MTUS2: variants seen among roughly 807,000 people sequenced by gnomAD.
MTUS2 encodes microtubule-associated tumor suppressor candidate 2.
A neutral mutation model predicts 114.1 loss-of-function variants in MTUS2; 40 were observed. The observed-to-expected ratio is 0.35, with a 90% CI of 0.27 to 0.46. MTUS2 has a LOEUF of 0.46. Among genes scored for constraint, MTUS2 ranks in the 20% least tolerant of loss-of-function variants. MTUS2 has a pLI of 1.00. For synonymous variants in MTUS2, 688 were observed against 672.0 expected, an observed-to-expected ratio of 1.02 and a Z score of -0.37; for missense variants, 1,679 against 1,705.4, an observed-to-expected ratio of 0.98 and a Z score of 0.27.
intron 6 of MTUS2, among the ~76,000 whole-genome samples, chr13:29,303,999 A>G (rs1363627886): frequency 6.6e-6 from 1 of 152,222 alleles, no homozygotes; most frequent in African/African-American, 2.4e-5. Context: ...TCTTAAAGAA[A>G]AGAATGTCCA....
chr13:29,278,254 A>T (rs1314442005), intron 5 of MTUS2, among the ~76,000 whole-genome samples: 1 of 152,234 alleles, frequency 6.6e-6, no homozygotes, highest in East Asian at 1.9e-4. Context: ...AGAGATTGAA[A>T]GTCTAAGACA....
At chr13:29,133,257 T>C (rs1891841571) in intron 5 of MTUS2, among the ~76,000 whole-genome samples, 1 of 152,200 alleles carries the variant, frequency 6.6e-6, no homozygotes, top group Non-Finnish European at 1.5e-5. Flanking sequence ...GTATTCTGGA[T>C]ATTAATCCCT....
intron 4 of MTUS2, among the ~76,000 whole-genome samples, chr13:29,049,797 G>A (rs562476881): frequency 6.6e-6 from 1 of 152,328 alleles, no homozygotes; most frequent in East Asian, 1.9e-4. Context: ...CAGGGAGGCA[G>A]CAGAATGACA....
intron 6 of MTUS2, among the ~76,000 whole-genome samples, chr13:29,308,536 A>G (rs565293797): frequency 6.6e-6 from 1 of 152,358 alleles, no homozygotes; most frequent in East Asian, 1.9e-4. Flanking sequence ...AATTGTGACT[A>G]AAGCAAAACT....
intron 7 of MTUS2, among the ~76,000 whole-genome samples, chr13:29,329,883 G>C (rs548965017): frequency 2.0e-5 from 3 of 152,128 alleles, no homozygotes; most frequent in African/African-American, 7.2e-5. Context: ...CACAGTGCTG[G>C]GATTACAGGC....
intron 2 of MTUS2, among the ~76,000 whole-genome samples, chr13:28,915,463 T>C (rs1880693518): frequency 6.6e-6 from 1 of 151,982 alleles, no homozygotes; most frequent in Non-Finnish European, 1.5e-5. Flanking sequence ...GGATTTCTTA[T>C]TGCCTGTCTT....
intron 2 of MTUS2, among the ~76,000 whole-genome samples, chr13:28,916,171 C>A (rs530286608): frequency 7.9e-5 from 12 of 151,864 alleles, no homozygotes; most frequent in East Asian, 1.9e-4. Context: ...TGTTTTTATG[C>A]CAGTAACATA....
chr13:29,131,888 T>C (rs1009181981), intron 5 of MTUS2, among the ~76,000 whole-genome samples: 1 of 152,264 alleles, frequency 6.6e-6, no homozygotes, highest in Non-Finnish European at 1.5e-5. Flanking sequence ...TGACATGATT[T>C]TGATTGAATC....
At chr13:28,824,275 A>T (rs1874114660) in intron 1 of MTUS2, among the ~76,000 whole-genome samples, 1 of 152,154 alleles carries the variant, frequency 6.6e-6, no homozygotes, top group African/African-American at 2.4e-5. Context: ...TGCCTTTGAG[A>T]TATATGTGTA....
intron 2 of MTUS2, among the ~76,000 whole-genome samples, chr13:28,926,638 T>A (rs1433427107): frequency 1.3e-5 from 2 of 152,248 alleles, no homozygotes; most frequent in African/African-American, 2.4e-5. Context: ...TTTTCAAACT[T>A]ATTTATTAAA....
chr13:29,377,859 A>G (rs1871871358), intron 8 of MTUS2, among the ~76,000 whole-genome samples: 1 of 152,210 alleles, frequency 6.6e-6, no homozygotes, highest in African/African-American at 2.4e-5. Context: ...TGAAACTGAT[A>G]AACCTATAGT....
chr13:29,346,057 A>G (rs1360957571), intron 7 of MTUS2, among the ~76,000 whole-genome samples: 1 of 152,136 alleles, frequency 6.6e-6, no homozygotes, highest in Non-Finnish European at 1.5e-5. Context: ...TCCAGTGGAG[A>G]TAGCAGGGGA....
intron 5 of MTUS2, among the ~76,000 whole-genome samples, chr13:29,215,820 C>T (rs1312923203): frequency 6.6e-6 from 1 of 152,190 alleles, no homozygotes; most frequent in Non-Finnish European, 1.5e-5. Flanking sequence ...TTGACCCCTG[C>T]TGGGAAGTGT....
chr13:28,832,403 C>T (rs964117332), intron 1 of MTUS2, among the ~76,000 whole-genome samples: 9 of 151,848 alleles, frequency 5.9e-5, no homozygotes, highest in Non-Finnish European at 1.2e-4. Context: ...TTAATATACT[C>T]CTAGTGGATT....
At chr13:29,120,050 A>C (rs973110929) in intron 5 of MTUS2, among the ~76,000 whole-genome samples, 3 of 152,200 alleles carry the variant, frequency 2.0e-5, no homozygotes, top group Non-Finnish European at 4.4e-5. Flanking sequence ...ACTTATGATA[A>C]ATTTTTTGCC....
At position 29,487,935 on chromosome 13, in the gene MTUS2, C is replaced by T. The variant is rs750332421; in HGVS notation, c.3435C>T (p.Leu1145=). The change falls in exon 11 of 16, where the codon CTC becomes CTT. Residue 1145 remains leucine (L), a synonymous_variant. Transcript: ENST00000612955. ...EDLTASHDAA[L]LEMENNHTVA... Reference sequence around the variant, plus strand: ...TCACCGCCAGCCATGATGCTGCTCTCCTAGAGATGGAAAATAACCACACAG... The same window carrying T: ...TCACCGCCAGCCATGATGCTGCTCTTCTAGAGATGGAAAATAACCACACAG... 11 of 1,614,158 alleles carry T rather than the reference C, an allele frequency of 6.8e-6. No homozygotes were observed. The highest frequency in any genetic ancestry group is 8.5e-6 in the Non-Finnish European group (10 of 1,180,042).
At chr13:29,416,414 C>A (rs1875670752) in intron 8 of MTUS2, among the ~76,000 whole-genome samples, 1 of 151,134 alleles carries the variant, frequency 6.6e-6, no homozygotes, top group Admixed American at 6.6e-5. Flanking sequence ...TGTCTTAGAT[C>A]TATAATTATA....
At chr13:29,140,096 A>G (rs928885218) in intron 5 of MTUS2, among the ~76,000 whole-genome samples, 1 of 152,192 alleles carries the variant, frequency 6.6e-6, no homozygotes, top group African/African-American at 2.4e-5. Flanking sequence ...ATGTCATTTA[A>G]AATTTTTAAC....
chr13:28,900,913 G>T (rs2137958777), intron 2 of MTUS2, among the ~76,000 whole-genome samples: 1 of 152,266 alleles, frequency 6.6e-6, no homozygotes, highest in African/African-American at 2.4e-5. Context: ...TAAGACTGCA[G>T]TTTCTCAGTA....
Sources: gnomAD v4.1 joint callset for allele counts (sites outside exome capture counted in the v4.1 genomes callset) on GRCh38, gnomAD v4.1.1 for gene constraint, MANE v1.5 for transcripts, NCBI Gene and HGNC (gene_info 2026-07-23, HGNC 2026-07-21) for gene names.